The following MBP variants were observed in gnomAD, a reference collection of about 807,000 sequenced individuals.
MBP encodes myelin basic protein.
MBP carries 16 observed loss-of-function variants against 35.8 expected under a neutral mutation model. The ratio of observed to expected loss-of-function variants is 0.45; its 90% CI spans 0.30 to 0.68. The LOEUF is 0.68. Among genes scored for constraint, MBP ranks in the 30% least tolerant of loss-of-function variants. MBP has a pLI of 0.08. For missense variants in MBP, 380 were observed against 404.7 expected (o/e 0.94, Z 0.52); for synonymous variants, 143 against 159.6 (o/e 0.90, Z 0.78).
chr18:77,105,073 C>T (rs1976218217), intron 2 of MBP, 138 bp downstream of exon 2: 2 of 459,400 alleles, frequency 4.4e-6, no homozygotes, highest in South Asian at 3.3e-5. Flanking sequence ...TAATAATTAA[C>T]AAGGACCAGG....
At chr18:77,080,830 T>G (rs1326783735) in intron 2 of MBP, among the ~76,000 whole-genome samples, 1 of 152,020 alleles carries the variant, frequency 6.6e-6, no homozygotes, top group Admixed American at 6.6e-5. Flanking sequence ...TTACAGGTGC[T>G]CGCCACCACG....
At chr18:76,993,504 T>C (rs1312418567) in intron 4 of MBP, among the ~76,000 whole-genome samples, 4 of 146,810 alleles carry the variant, frequency 2.7e-5, no homozygotes, top group Non-Finnish European at 5.9e-5. Flanking sequence ...GAGCTGAGAT[T>C]GCACCACTGC....
chr18:77,094,112 G>T (rs1028480429), intron 2 of MBP, among the ~76,000 whole-genome samples: 1 of 151,992 alleles, frequency 6.6e-6, no homozygotes, highest in Non-Finnish European at 1.5e-5. Flanking sequence ...GAGTAGCTGG[G>T]ATTACAGGTG....
intron 3 of MBP, among the ~76,000 whole-genome samples, chr18:77,049,833 C>T (rs756829828): frequency 1.2e-4 from 18 of 152,088 alleles, no homozygotes; most frequent in African/African-American, 3.4e-4. Context: ...GTGTCCATCA[C>T]GACACCCGGC....
intron 4 of MBP, among the ~76,000 whole-genome samples, chr18:76,995,119 T>C (rs1381783964): frequency 1.3e-5 from 2 of 152,118 alleles, no homozygotes; most frequent in Non-Finnish European, 2.9e-5. Flanking sequence ...AAACAAAATA[T>C]TAGGTATACA....
chr18:77,008,811 A>G (rs1449400221), intron 4 of MBP, among the ~76,000 whole-genome samples: 1 of 152,200 alleles, frequency 6.6e-6, no homozygotes, highest in African/African-American at 2.4e-5. Flanking sequence ...GATGTCTGAC[A>G]TGCAGCCACA....
chr18:77,109,819 T>C (rs759506208), intron 1 of MBP: 1 of 152,212 alleles, frequency 6.6e-6, no homozygotes, highest in Non-Finnish European at 1.5e-5. Flanking sequence ...TAGCAAAACA[T>C]TTGCATTGTG....
intron 7 of MBP, chr18:76,986,307 C>T: frequency 1.0e-6 from 1 of 985,504 alleles, no homozygotes; most frequent in Non-Finnish European, 1.2e-6. Context: ...CCTCTATCAG[C>T]CTGCAGCCTT....
At position 76,989,572 on chromosome 18, in the gene MBP, G is replaced by A. The variant is rs886701870; in HGVS notation, c.681+384C>T. On this transcript the variant is annotated intron_variant, in intron 5 of 8. Transcript: ENST00000355994. The surrounding 1 kb of genome is among the most constrained non-coding windows in gnomAD (Gnocchi z 4.0). ...GTCACCATGGCAGCCTCGACAGAGC[G>A]GTTTCGCTGCCCGAAAAATGCCCTA... Among the ~76,000 whole-genome samples the A allele has an allele frequency of 2.0e-5, 3 of 152,066 alleles. No homozygotes were observed. Among genetic ancestry groups the A allele is most frequent in the Non-Finnish European group, 4.4e-5 (3 of 68,010 alleles).
intron 2 of MBP, among the ~76,000 whole-genome samples, chr18:77,076,220 C>T (rs561797665): frequency 1.3e-5 from 2 of 152,308 alleles, no homozygotes; most frequent in South Asian, 2.1e-4. Context: ...ATTGGACTGG[C>T]GCTGGTGGTC....
chr18:77,035,963 T>C (rs1376424155), intron 3 of MBP, among the ~76,000 whole-genome samples: 2 of 152,264 alleles, frequency 1.3e-5, no homozygotes, highest in Non-Finnish European at 2.9e-5. Flanking sequence ...CAGAGGCGTT[T>C]TTCTCATAGA....
rs1430806636 is a variant in MBP, at chr18:77,028,907, C to A, written c.140-11639G>T. ...CTTCCCAGATGGGATGGCGGCCGGG[C>A]AGAGACTCTCCTCACTTTCCAGACT... On this transcript the variant is annotated intron_variant, in intron 3 of 8. Coordinates refer to ENST00000355994, the MANE Select transcript of MBP (RefSeq NM_001025101.2). Among the ~76,000 whole-genome samples, 83 of 108,240 alleles carry A rather than the reference C, an allele frequency of 7.7e-4. 3 individuals carry two copies. Among genetic ancestry groups the A allele is most frequent in the Middle Eastern group, 4.3e-3 (1 of 230 alleles). 71.0% of individuals were successfully genotyped at this position (108,240 alleles called of 152,430 possible). A position where few individuals can be genotyped will look rare whatever the true frequency, so the allele number is the denominator to read the frequency against.
chr18:77,118,874 T>C, intron 1 of MBP, among the ~76,000 whole-genome samples: 2 of 141,144 alleles, frequency 1.4e-5, no homozygotes, highest in African/African-American at 5.5e-5. Context: ...CCACAGACAC[T>C]TCACACACAC....
At chr18:77,041,879 G>A (rs1159580564) in intron 3 of MBP, among the ~76,000 whole-genome samples, 1 of 151,310 alleles carries the variant, frequency 6.6e-6, no homozygotes, top group African/African-American at 2.4e-5. Flanking sequence ...GTATACATAT[G>A]TAACAAACCT....
intron 3 of MBP, among the ~76,000 whole-genome samples, chr18:77,028,070 G>A (rs1344813469): frequency 2.0e-5 from 3 of 148,684 alleles, no homozygotes; most frequent in Admixed American, 6.8e-5. Context: ...GGACAATAGT[G>A]GAGGGAAGGT....
intron 4 of MBP, among the ~76,000 whole-genome samples, chr18:77,001,293 C>A (rs1008099798): frequency 6.6e-6 from 1 of 152,236 alleles, no homozygotes. Flanking sequence ...GGGGTGTGCC[C>A]GCGTTTCTCT....
At chr18:76,992,035 C>T (rs935270658) in intron 4 of MBP, among the ~76,000 whole-genome samples, 2 of 152,216 alleles carry the variant, frequency 1.3e-5, no homozygotes, top group African/African-American at 4.8e-5. Context: ...ACATTGTTCA[C>T]CTCTGTGTCT....
chr18:77,013,559 G>A (rs1971462452), intron 4 of MBP: 3 of 985,334 alleles, frequency 3.0e-6, no homozygotes, highest in Non-Finnish European at 2.4e-6. Context: ...TATATCCCAC[G>A]GCACTGAATG....
chr18:77,067,884 C>G, intron 2 of MBP: 1 of 500,628 alleles, frequency 2.0e-6, no homozygotes, highest in Non-Finnish European at 4.0e-6. Flanking sequence ...TGATTCAGAC[C>G]TAGTGTGACT....
Sources: gnomAD v4.1 joint callset for allele counts (sites outside exome capture counted in the v4.1 genomes callset) on GRCh38, gnomAD v4.1.1 for gene constraint, Gnocchi (gnomAD v3.1) non-coding constraint, MANE v1.5 for transcripts, NCBI Gene and HGNC (gene_info 2026-07-23, HGNC 2026-07-21) for gene names.